Variants in TOP1 observed in about 807,000 individuals in gnomAD.
TOP1 encodes the protein DNA topoisomerase 1.
TOP1 carries 10 observed loss-of-function variants against 111.1 expected under a neutral mutation model. The observed-to-expected ratio is 0.09, with a 90% CI of 0.06 to 0.15. The LOEUF is 0.15. TOP1 is among the 10% of genes least tolerant of loss of function. The pLI is 1.00. For missense variants in TOP1, 474 were observed against 926.7 expected, an observed-to-expected ratio of 0.51 and a Z score of 6.34; for synonymous variants, 271 against 302.9, an observed-to-expected ratio of 0.89 and a Z score of 1.10.
chr20:41,082,138 A>T lies in TOP1; in HGVS notation c.507+898A>T, dbSNP rs897636650. The stretch of plus-strand genomic sequence containing the variant: ...GTTCTTAGCTCTTATGCTACATTTG[A>T]GGTTAGCCACTGTCATGGGCAAAAT... On this transcript the variant is annotated intron_variant, in intron 7 of 20. Transcript: ENST00000361337. This position sits in a 1 kb window ranked among gnomAD's most constrained non-coding sequence, Gnocchi z 4.1. Among the ~76,000 whole-genome samples, 4 of 152,170 alleles carry T rather than the reference A, an allele frequency of 2.6e-5. No individual in the cohort carries two copies. The highest frequency in any genetic ancestry group is 9.7e-5 in the African/African-American group (4 of 41,450).
chr20:41,061,312 A>G lies in TOP1; in HGVS notation c.59-82A>G. ...CATGCCATTTGAATCCTGTCATTGT[A>G]CTTCTTGACCAGCTTGTCAAGGTAG... is the stretch of plus-strand genomic sequence containing the variant. On this transcript the variant is annotated intron_variant, in intron 2 of 20. Transcript: ENST00000361337. The surrounding 1 kb of genome is among the most constrained non-coding windows in gnomAD (Gnocchi z 4.6). 2 of 1,323,254 alleles carry G rather than the reference A, an allele frequency of 1.5e-6. No individual in the cohort carries two copies. Among genetic ancestry groups the G allele is most frequent in the South Asian group, 1.3e-5 (1 of 76,506 alleles). 82.0% of individuals were successfully genotyped at this position (1,323,254 alleles called of 1,614,324 possible).
intron 2 of TOP1, among the ~76,000 whole-genome samples, chr20:41,054,142 C>A (rs892326814): frequency 2.6e-5 from 4 of 152,158 alleles, no homozygotes; most frequent in Admixed American, 2.6e-4. Context: ...TGTGTCCCCA[C>A]CCAAATCTCA....
rs1049431980 is a variant in TOP1, at chr20:41,122,779, G to A, written c.2196-416G>A. ...AGTCCGGGCTAAAGTTTCCATCTAG[G>A]TCTTTTGTACCTCTTTCTGCTCGTT... On this transcript the variant is annotated intron_variant, in intron 20 of 20. Transcript: ENST00000361337. This position sits in a 1 kb window ranked among gnomAD's most constrained non-coding sequence, Gnocchi z 5.4. Among the ~76,000 whole-genome samples the A allele has an allele frequency of 7.9e-5, 12 of 152,182 alleles. No individual in the cohort carries two copies. Among genetic ancestry groups the A allele is most frequent in the Non-Finnish European group, 7.3e-5 (5 of 68,036 alleles).
rs16989526 is a variant in TOP1, at chr20:41,067,968, T to A, written c.155+6478T>A. 6.6e-6 allele frequency among the ~76,000 whole-genome samples: 1 copy of A among 152,234 alleles called. No homozygotes were observed. Among genetic ancestry groups the A allele is most frequent in the African/African-American group, 2.4e-5 (1 of 41,466 alleles). On this transcript the variant is annotated intron_variant, in intron 3 of 20. Coordinates refer to ENST00000361337, the MANE Select transcript of TOP1 (RefSeq NM_003286.4). The surrounding 1 kb of genome is among the most constrained non-coding windows in gnomAD (Gnocchi z 4.0). ...GTGTGGACAGGAGTCTGAGGTCACATGCTCTAAGTCCCACAGTGATGTGGT... is the reference window on the plus strand; with the variant it reads ...GTGTGGACAGGAGTCTGAGGTCACAAGCTCTAAGTCCCACAGTGATGTGGT...
chr20:41,120,489 G>A (rs2034405580), intron 18 of TOP1, among the ~76,000 whole-genome samples: 1 of 152,226 alleles, frequency 6.6e-6, no homozygotes, highest in Admixed American at 6.5e-5. Context: ...TGCCCTCTGA[G>A]TAGCGTGAGC....
intron 13 of TOP1, among the ~76,000 whole-genome samples, chr20:41,103,212 T>G (rs1221385271): frequency 6.6e-6 from 1 of 152,248 alleles, no homozygotes; most frequent in Non-Finnish European, 1.5e-5. Context: ...CATTTGGATC[T>G]TCTAAGCATA....
chr20:41,098,271 C>T lies in TOP1; in HGVS notation c.909C>T (p.Thr303=). ...IITNLSKCDF[T]QMSQYFKAQT... ...CCAACCTAAGCAAATGTGATTTTAC[C>T]CAGATGAGCCAGTATTTCAAAGCCC... Residue 303 remains threonine (T), a synonymous_variant, in exon 11 of 21, where the codon ACC becomes ACT. Transcript: ENST00000361337. This position sits in a 1 kb window ranked among gnomAD's most constrained non-coding sequence, Gnocchi z 5.7. 6.2e-7 allele frequency: 1 copy of T among 1,613,660 alleles called. No individual in the cohort carries two copies. Among genetic ancestry groups the T allele is most frequent in the African/African-American group, 1.3e-5 (1 of 74,926 alleles).
intron 2 of TOP1, among the ~76,000 whole-genome samples, chr20:41,036,081 T>G (rs182769472): frequency 6.6e-6 from 1 of 152,372 alleles, no homozygotes; most frequent in Admixed American, 6.5e-5. Context: ...TAATATAGAT[T>G]GCATAGGCTT....
intron 14 of TOP1, among the ~76,000 whole-genome samples, chr20:41,113,442 A>C (rs1205077651): frequency 6.6e-6 from 1 of 152,050 alleles, no homozygotes. Flanking sequence ...AAGGAGCATG[A>C]ATATTTAACA....
chr20:41,108,338 A>G (rs1420773194), intron 13 of TOP1, among the ~76,000 whole-genome samples: 14 of 152,234 alleles, frequency 9.2e-5, no homozygotes, highest in Admixed American at 9.2e-4. Flanking sequence ...GTGAACTATG[A>G]ATTTTCGACA....
At position 41,092,231 on chromosome 20, in the gene TOP1, T is replaced by C. The variant is rs946950350; in HGVS notation, c.615-241T>C. On this transcript the variant is annotated intron_variant, in intron 8 of 20. Coordinates refer to ENST00000361337, the MANE Select transcript of TOP1 (RefSeq NM_003286.4). The surrounding 1 kb of genome is among the most constrained non-coding windows in gnomAD (Gnocchi z 4.3). Reference sequence around the variant, plus strand: ...GTTGATCTCTTCTGTCCAGTATTCTTAAACTGAGCTGTTGAAATGTATTTT... The same window carrying C: ...GTTGATCTCTTCTGTCCAGTATTCTCAAACTGAGCTGTTGAAATGTATTTT... Among the ~76,000 whole-genome samples, 1 of 152,260 alleles carries C rather than the reference T, an allele frequency of 6.6e-6. No individual in the cohort carries two copies. The highest frequency in any genetic ancestry group is 1.5e-5 in the Non-Finnish European group (1 of 68,044).
At chr20:41,042,472 T>C (rs1210010684) in intron 2 of TOP1, among the ~76,000 whole-genome samples, 1 of 152,210 alleles carries the variant, frequency 6.6e-6, no homozygotes, top group African/African-American at 2.4e-5. Flanking sequence ...GCAGGGTTTG[T>C]TTTCATACTA....
At chr20:41,084,629 G>T in intron 8 of TOP1, 61 bp downstream of exon 8, 1 of 899,394 alleles carries the variant, frequency 1.1e-6, no homozygotes. Context: ...TACGAAGCAA[G>T]AGTATTGAGT....
chr20:41,029,775 A>C lies in TOP1; in HGVS notation c.58+320A>C. The C allele has an allele frequency of 2.3e-6, 1 of 441,404 alleles. No homozygotes were observed. Among genetic ancestry groups the C allele is most frequent in the Non-Finnish European group, 4.1e-6 (1 of 243,100 alleles). 27.3% of individuals were successfully genotyped at this position (441,404 alleles called of 1,614,324 possible). On this transcript the variant is annotated intron_variant, in intron 2 of 20. Transcript: ENST00000361337. The surrounding 1 kb of genome is among the most constrained non-coding windows in gnomAD (Gnocchi z 6.1). ...ACGGTCGGGACTTAGTCTCTGCGCC[A>C]TTTTCTTTTTCTCTCTCCTCTCCTT...
intron 3 of TOP1, among the ~76,000 whole-genome samples, chr20:41,062,553 A>G (rs1296589792): frequency 6.6e-6 from 1 of 152,128 alleles, no homozygotes; most frequent in African/African-American, 2.4e-5. Flanking sequence ...TCTACTCTAC[A>G]TCTTTTCTAG....
In TOP1 at chr20:41,121,857, T is replaced by A; in HGVS notation, c.2045+67T>A. 6.5e-7 allele frequency: 1 copy of A among 1,542,482 alleles called. No individual in the cohort carries two copies. Among genetic ancestry groups the A allele is most frequent in the Non-Finnish European group, 8.9e-7 (1 of 1,120,920 alleles). The stretch of plus-strand genomic sequence containing the variant: ...AGTGTGCAGCATCTGTCAGGGCCCC[T>A]GGGGCCCTGGCTTTTCGATGGTTTC... On this transcript the variant is annotated intron_variant, in intron 19 of 20. Coordinates refer to ENST00000361337, the MANE Select transcript of TOP1 (RefSeq NM_003286.4). The surrounding 1 kb of genome is among the most constrained non-coding windows in gnomAD (Gnocchi z 4.2).
chr20:41,039,246 C>G (rs1467411956), intron 2 of TOP1, among the ~76,000 whole-genome samples: 1 of 152,208 alleles, frequency 6.6e-6, no homozygotes, highest in Admixed American at 6.5e-5. Context: ...TAGGTATATA[C>G]AGTCACTTCC....
At chr20:41,049,073 T>C (rs188862411) in intron 2 of TOP1, among the ~76,000 whole-genome samples, 1 of 152,334 alleles carries the variant, frequency 6.6e-6, no homozygotes, top group East Asian at 1.9e-4. Flanking sequence ...CATTCTCTGA[T>C]CATTTAACCC....
At chr20:41,072,994 T>C (rs769166249) in intron 3 of TOP1, 6 of 985,456 alleles carry the variant, frequency 6.1e-6, no homozygotes, top group Non-Finnish European at 7.2e-6. Flanking sequence ...AGGGGTTTAC[T>C]ACTCTAGCAG....
Sources: gnomAD v4.1 joint callset for allele counts (sites outside exome capture counted in the v4.1 genomes callset) on GRCh38, gnomAD v4.1.1 for gene constraint, Gnocchi (gnomAD v3.1) non-coding constraint, MANE v1.5 for transcripts, NCBI Gene and HGNC (gene_info 2026-07-23, HGNC 2026-07-21) for gene names.